CFAP45: variants seen among roughly 807,000 people sequenced by gnomAD.
CFAP45 encodes the protein cilia and flagella associated protein 45.
A neutral mutation model predicts 75.6 loss-of-function variants in CFAP45; 43 were observed. The observed-to-expected ratio is 0.57, with a 90% CI of 0.45 to 0.73. The LOEUF is 0.73. Ranked by LOEUF, CFAP45 falls within the 30% of genes least tolerant of loss-of-function variation. CFAP45 has a pLI of 0.00. For missense variants in CFAP45, 689 were observed against 701.5 expected, an observed-to-expected ratio of 0.98 and a Z score of 0.20; for synonymous variants, 223 against 244.6, an observed-to-expected ratio of 0.91 and a Z score of 0.82.
intron 1 of CFAP45, among the ~76,000 whole-genome samples, chr1:159,895,447 C>G (rs182317359): frequency 5.3e-4 from 80 of 152,354 alleles, no homozygotes; most frequent in Admixed American, 4.3e-3. Flanking sequence ...CCATTACCAA[C>G]CAGACACCCC....
intron 8 of CFAP45, among the ~76,000 whole-genome samples, chr1:159,879,223 T>C (rs993950379): frequency 6.6e-6 from 1 of 152,202 alleles, no homozygotes; most frequent in Non-Finnish European, 1.5e-5. Context: ...CTCTTAGCTC[T>C]CTGTCATCTC....
At chr1:159,883,245 C>T (rs537019135) in intron 7 of CFAP45, among the ~76,000 whole-genome samples, 9 of 152,138 alleles carry the variant, frequency 5.9e-5, no homozygotes, top group Admixed American at 5.2e-4. Flanking sequence ...GGCAACTGGC[C>T]TAGATGCTTC....
intron 1 of CFAP45, among the ~76,000 whole-genome samples, chr1:159,893,690 G>A (rs1649881513): frequency 6.6e-6 from 1 of 152,044 alleles, no homozygotes; most frequent in Non-Finnish European, 1.5e-5. Flanking sequence ...GTGCTCTATT[G>A]CACAGAAAGG....
chr1:159,875,257 C>G, intron 10 of CFAP45, among the ~76,000 whole-genome samples: 1 of 152,266 alleles, frequency 6.6e-6, no homozygotes, highest in East Asian at 1.9e-4. Context: ...ACACAGATGT[C>G]CAAGGGCATA....
intron 8 of CFAP45, among the ~76,000 whole-genome samples, chr1:159,879,366 A>G (rs1649492496): frequency 6.6e-6 from 1 of 152,198 alleles, no homozygotes; most frequent in Non-Finnish European, 1.5e-5. Flanking sequence ...TTGAGTTCCA[A>G]TGGTACAGCA....
At chr1:159,893,081 A>C (rs1649864797) in intron 2 of CFAP45, 99 bp downstream of exon 2, 1 of 1,371,922 alleles carries the variant, frequency 7.3e-7, no homozygotes, top group Non-Finnish European at 1.0e-6. Context: ...AGAGTTACCT[A>C]CGAGAGCAAG....
At chr1:159,895,268 C>T (rs1157759585) in intron 1 of CFAP45, among the ~76,000 whole-genome samples, 2 of 152,114 alleles carry the variant, frequency 1.3e-5, no homozygotes, top group African/African-American at 4.8e-5. Flanking sequence ...AGCCCACATG[C>T]CCCACACCTC....
chr1:159,897,611 T>C (rs1649982186), intron 1 of CFAP45, among the ~76,000 whole-genome samples: 1 of 152,134 alleles, frequency 6.6e-6, no homozygotes, highest in Admixed American at 6.5e-5. Flanking sequence ...AGAAGTACTC[T>C]TGTAAAGATG....
chr1:159,881,408 ACTT>A (rs1332832725), intron 7 of CFAP45, among the ~76,000 whole-genome samples: 2 of 152,176 alleles, frequency 1.3e-5, no homozygotes, highest in African/African-American at 4.8e-5. Flanking sequence ...TTCTCTCTGC[ACTT>A]AAGGTGGCGA....
At position 159,872,530 on chromosome 1, in the gene CFAP45, T is replaced by C; in HGVS notation, c.1611A>G (p.Glu537=). The C allele has an allele frequency of 6.2e-7, 1 of 1,614,090 alleles. No homozygotes were observed. Among genetic ancestry groups the C allele is most frequent in the Non-Finnish European group, 8.5e-7 (1 of 1,179,990 alleles). The part of the protein sequence containing the change: ...ATGLPEKYCI[E]AERKANILPA... ...GCAGGATGTTAGCTTTGCGCTCAGC[T>C]TCAATGCAGTACTTCTCGGGAAGGC... The change falls in exon 12 of 12, where the codon GAA becomes GAG. Residue 537 remains glutamate (E), a synonymous_variant. Coordinates refer to ENST00000368099, the MANE Select transcript of CFAP45 (RefSeq NM_012337.3).
chr1:159,885,694 C>G (rs1359735442), intron 6 of CFAP45, among the ~76,000 whole-genome samples: 1 of 152,150 alleles, frequency 6.6e-6, no homozygotes, highest in Non-Finnish European at 1.5e-5. Flanking sequence ...AAGGACCTGT[C>G]CGCAATGAGC....
intron 5 of CFAP45, 94 bp downstream of exon 5, chr1:159,887,747 C>G: frequency 2.2e-6 from 3 of 1,335,730 alleles, no homozygotes; most frequent in Non-Finnish European, 2.1e-6. Context: ...GCCCACACCC[C>G]CACCAGTCCC....
At position 159,893,313 on chromosome 1, in the gene CFAP45, A is replaced by C. The variant is rs1649872679; in HGVS notation, c.4-8T>G. The stretch of plus-strand genomic sequence containing the variant: ...GCCAGCTGTGCTTAGTGGCTGCAGG[A>C]AGAGGCAGAAAGTTTGGGTCATCAG... On this transcript the variant is annotated splice_polypyrimidine_tract_variant and splice_region_variant and intron_variant, in intron 1 of 11. Coordinates refer to ENST00000368099, the MANE Select transcript of CFAP45 (RefSeq NM_012337.3). The C allele has an allele frequency of 9.3e-6, 15 of 1,612,354 alleles. No individual in the cohort carries two copies. Among genetic ancestry groups the C allele is most frequent in the Non-Finnish European group, 1.3e-5 (15 of 1,179,584 alleles).
At chr1:159,878,205 G>T (rs571078462) in intron 8 of CFAP45, among the ~76,000 whole-genome samples, 42 of 152,170 alleles carry the variant, frequency 2.8e-4, no homozygotes, top group Non-Finnish European at 5.3e-4. Context: ...AGAAACAACT[G>T]GTCCTGTGCC....
chr1:159,891,279 T>TCAG (rs1649823760), intron 2 of CFAP45, among the ~76,000 whole-genome samples: 1 of 152,184 alleles, frequency 6.6e-6, no homozygotes, highest in South Asian at 2.1e-4. Context: ...ACACAGTGGG[T>TCAG]TTGAAGCAAT....
chr1:159,890,752 C>CTTTTA, intron 2 of CFAP45, 130 bp from the exon 3 acceptor site: 1 of 377,464 alleles, frequency 2.6e-6, no homozygotes, highest in Non-Finnish European at 4.3e-6. Flanking sequence ...ACCAGCTTTT[C>CTTTTA]TTTTCTTTTT....
intron 3 of CFAP45, among the ~76,000 whole-genome samples, chr1:159,889,950 C>G (rs1649786845): frequency 6.6e-6 from 1 of 152,202 alleles, no homozygotes; most frequent in African/African-American, 2.4e-5. Context: ...AGGATGGGCT[C>G]AAGCCTGGGG....
Position 159,876,564 on chromosome 1 carries a change from C to A in CFAP45, c.1344G>T (p.Arg448Ser). ...QVQRDRDEFE[R>S]ILRAQREQIE... ...TCCCAGGCCCCTCCTACCGAAGAATCCTCTCGAACTCATCCCGGTCCCGTT... is the reference window on the plus strand; with the variant it reads ...TCCCAGGCCCCTCCTACCGAAGAATACTCTCGAACTCATCCCGGTCCCGTT... Residue 448 changes from arginine (R) to serine (S), a missense_variant, in exon 10 of 12, where the codon AGG (arginine) becomes AGT (serine). Arg to Ser is a moderately radical substitution (Grantham distance 110). Coordinates refer to ENST00000368099, the MANE Select transcript of CFAP45 (RefSeq NM_012337.3). 6.2e-7 allele frequency: 1 copy of A among 1,612,802 alleles called. No individual in the cohort carries two copies. The highest frequency in any genetic ancestry group is 8.5e-7 in the Non-Finnish European group (1 of 1,178,816).
At chr1:159,874,912 T>G (rs1350065810) in intron 10 of CFAP45, among the ~76,000 whole-genome samples, 2 of 152,210 alleles carry the variant, frequency 1.3e-5, no homozygotes, top group African/African-American at 4.8e-5. Context: ...CTGAGAAGTA[T>G]GGACATCCCT....
Sources: gnomAD v4.1 joint callset for allele counts (sites outside exome capture counted in the v4.1 genomes callset) on GRCh38, gnomAD v4.1.1 for gene constraint, MANE v1.5 for transcripts, NCBI Gene and HGNC (gene_info 2026-07-23, HGNC 2026-07-21) for gene names.